RGS20: variants seen among roughly 807,000 people sequenced by gnomAD.
The protein encoded by RGS20 is regulator of G protein signaling 20.
RGS20 carries 30 observed loss-of-function variants against 33.6 expected under a neutral mutation model. The observed-to-expected ratio is 0.89, with a 90% confidence interval of 0.67 to 1.21. The LOEUF (loss-of-function observed/expected upper bound fraction) is 1.21, where lower values mean the gene tolerates loss of function less well. Among genes scored for constraint, RGS20 ranks in the 50% most tolerant of loss-of-function variants. The pLI is 0.00. For missense variants in RGS20, 472 were observed against 502.4 expected (o/e 0.94, Z 0.58); for synonymous variants, 208 against 197.9 (o/e 1.05, Z -0.43).
chr8:53,953,658 A>G (rs917624689), intron 4 of RGS20, among the ~76,000 whole-genome samples: 9 of 152,206 alleles, frequency 5.9e-5, no homozygotes, highest in African/African-American at 2.2e-4. Context: ...CACTTGCTCT[A>G]TTGTTCCAGA....
rs960077138 is a variant in RGS20, at chr8:53,877,398, A to G, written c.166-1860A>G. Among the ~76,000 whole-genome samples, 2 of 152,134 alleles carry G rather than the reference A, an allele frequency of 1.3e-5. No homozygotes were observed. The highest frequency in any genetic ancestry group is 4.8e-5 in the African/African-American group (2 of 41,444). On this transcript the variant is annotated intron_variant, in intron 1 of 5. Coordinates refer to ENST00000297313, the MANE Select transcript of RGS20 (RefSeq NM_170587.4). This position sits in a 1 kb window ranked among gnomAD's most constrained non-coding sequence, Gnocchi z 5.7. ...CAGTCCCCCGCAGGTGCCGCCCAGG[A>G]CTAGCTGCCCGGCGGAGGCCGAGCA...
At position 53,879,401 on chromosome 8, in the gene RGS20, C is replaced by T. The variant is rs756287966; in HGVS notation, c.309C>T (p.Asp103=). Residue 103 remains aspartate, a synonymous_variant, in exon 2 of 6, where the codon GAC becomes GAT. Coordinates refer to ENST00000297313, the MANE Select transcript of RGS20 (RefSeq NM_170587.4). ...CCGAGGCTCCCCGGAGGCGCCTGGA[C>T]TTCTCCCCCCTGCTTCCCGCCCTGC... The T allele has an allele frequency of 2.5e-6, 4 of 1,610,666 alleles. No homozygotes were observed. The East Asian group carries it at 8.9e-5, about 36-fold the overall frequency.
intron 2 of RGS20, among the ~76,000 whole-genome samples, chr8:53,932,008 C>A (rs1335227009): frequency 6.6e-6 from 1 of 152,184 alleles, no homozygotes; most frequent in Non-Finnish European, 1.5e-5. Flanking sequence ...TTCTTCTTTG[C>A]TTATGAAGCA....
chr8:53,942,450 C>T (rs1214599352), intron 3 of RGS20, among the ~76,000 whole-genome samples: 1 of 151,288 alleles, frequency 6.6e-6, no homozygotes, highest in Non-Finnish European at 1.5e-5. Context: ...CAGAGTGAGA[C>T]TCTGTCTGAA....
intron 2 of RGS20, among the ~76,000 whole-genome samples, chr8:53,892,833 A>G (rs922747353): frequency 6.6e-6 from 1 of 152,130 alleles, no homozygotes; most frequent in African/African-American, 2.4e-5. Flanking sequence ...AGTTTCTAAA[A>G]TTTTCACCAT....
chr8:53,882,400 C>T (rs1350008729), intron 2 of RGS20, among the ~76,000 whole-genome samples: 3 of 152,074 alleles, frequency 2.0e-5, no homozygotes, highest in Non-Finnish European at 4.4e-5. Context: ...GCGAGCGACC[C>T]CAGCAGCAGG....
rs1814787494 is a variant in RGS20, at chr8:53,954,034, T to TAACA, written c.744-41_744-38dup. Reference sequence around the variant, plus strand: ...ATGATGAATTCCAATTAACTACCACTAACAGTTCCCTTTTGCCCCCTCTCT... The same window carrying TAACA: ...ATGATGAATTCCAATTAACTACCACTAACAAACAGTTCCCTTTTGCCCCCTCTCT... On this transcript the variant is annotated intron_variant, in intron 4 of 5. Coordinates refer to ENST00000297313, the MANE Select transcript of RGS20 (RefSeq NM_170587.4). 14 of 1,327,396 alleles carry TAACA rather than the reference T, an allele frequency of 1.1e-5. No individual in the cohort carries two copies. The East Asian group carries it at 3.2e-4, about 30-fold the overall frequency. The allele number at this position is 1,327,396 out of a possible 1,614,324, so 82.2% of individuals were successfully genotyped here.
chr8:53,865,893 C>A (rs1043326448), intron 1 of RGS20, among the ~76,000 whole-genome samples: 2 of 152,208 alleles, frequency 1.3e-5, no homozygotes, highest in South Asian at 4.1e-4. Context: ...AGGCATGAAC[C>A]ATTGTGCCTG....
intron 2 of RGS20, among the ~76,000 whole-genome samples, chr8:53,921,995 A>G (rs1414810988): frequency 6.6e-6 from 1 of 152,072 alleles, no homozygotes; most frequent in Non-Finnish European, 1.5e-5. Flanking sequence ...GGAGTGCTCT[A>G]TAGATGTCTG....
chr8:53,940,860 G>A (rs1051934671), intron 3 of RGS20, among the ~76,000 whole-genome samples: 19 of 152,208 alleles, frequency 1.2e-4, no homozygotes, highest in African/African-American at 4.6e-4. Flanking sequence ...GGTGGGCAGA[G>A]GAAACACGTG....
At chr8:53,878,725 T>C (rs991022509) in intron 1 of RGS20, among the ~76,000 whole-genome samples, 10 of 151,670 alleles carry the variant, frequency 6.6e-5, no homozygotes, top group African/African-American at 2.2e-4. Context: ...ACAATCCCAA[T>C]AGAATCTAGT....
chr8:53,879,803 GA>G, intron 2 of RGS20: 1 of 476,518 alleles, frequency 2.1e-6, no homozygotes, highest in East Asian at 3.5e-5. Context: ...CTCCCCGCGG[GA>G]AGACACTCCA....
At chr8:53,880,440 C>G (rs1027259551) in intron 2 of RGS20, among the ~76,000 whole-genome samples, 4 of 151,884 alleles carry the variant, frequency 2.6e-5, no homozygotes, top group Non-Finnish European at 5.9e-5. Flanking sequence ...AGAGGCGCCC[C>G]GGGCCGGGGA....
At chr8:53,932,584 T>G (rs1814003800) in intron 2 of RGS20, among the ~76,000 whole-genome samples, 1 of 152,152 alleles carries the variant, frequency 6.6e-6, no homozygotes, top group Non-Finnish European at 1.5e-5. Flanking sequence ...TCTAGATTCC[T>G]TCTCTCTGGA....
intron 3 of RGS20, among the ~76,000 whole-genome samples, chr8:53,943,949 A>T (rs1221759063): frequency 6.6e-6 from 1 of 151,976 alleles, no homozygotes; most frequent in Non-Finnish European, 1.5e-5. Context: ...AGAAGTCAAA[A>T]GGGTTCCTGC....
intron 2 of RGS20, among the ~76,000 whole-genome samples, chr8:53,929,653 AG>A (rs1484265134): frequency 6.6e-6 from 1 of 152,206 alleles, no homozygotes; most frequent in Non-Finnish European, 1.5e-5. Context: ...GGGTGACAAG[AG>A]CAAAACTACA....
chr8:53,930,123 A>G (rs1813912522), intron 2 of RGS20, among the ~76,000 whole-genome samples: 1 of 152,234 alleles, frequency 6.6e-6, no homozygotes. Flanking sequence ...AGATACCTTA[A>G]AAAGGTACAG....
chr8:53,875,920 G>T (rs1812199296), intron 1 of RGS20, among the ~76,000 whole-genome samples: 1 of 152,186 alleles, frequency 6.6e-6, no homozygotes, highest in Non-Finnish European at 1.5e-5. Flanking sequence ...GCCAGGATCT[G>T]TTAGCTTATT....
rs763279586 is a variant in RGS20 at position 53,958,297 on chromosome 8, G to C, written c.1006G>C (p.Val336Leu). 1.2e-6 allele frequency: 2 copies of C among 1,612,964 alleles called. No individual in the cohort carries two copies. The highest frequency in any genetic ancestry group is 1.7e-5 in the Admixed American group (1 of 59,900). ...GAGCTTAGACTCCCGGGTGAGAGAA[G>C]TGATCAACAGAAACATGGTGGAGCC... Residue 336 changes from valine to leucine, a missense_variant, in exon 6 of 6, where the codon GTG (valine) becomes CTG (leucine). Physicochemically the swap from Val to Leu is conservative, Grantham distance 32 (BLOSUM62 1). Transcript: ENST00000297313.
Sources: gnomAD v4.1 joint callset for allele counts (sites outside exome capture counted in the v4.1 genomes callset) on GRCh38, gnomAD v4.1.1 for gene constraint, Gnocchi (gnomAD v3.1) non-coding constraint, MANE v1.5 for transcripts, NCBI Gene and HGNC (gene_info 2026-07-23, HGNC 2026-07-21) for gene names.